C1QTNF2: variants seen among roughly 807,000 people sequenced by gnomAD.
The protein encoded by C1QTNF2 is C1q and TNF related 2.
Under a neutral mutation model 17.4 loss-of-function variants are expected in C1QTNF2, and 15 were observed. The ratio of observed to expected loss-of-function variants is 0.86; its 90% confidence interval spans 0.58 to 1.33. The LOEUF (loss-of-function observed/expected upper bound fraction) is 1.33, where lower values mean the gene tolerates loss of function less well. C1QTNF2 is among the 40% of genes most tolerant of loss of function. The pLI, the probability that C1QTNF2 is intolerant of heterozygous loss-of-function variation, is 0.00. For missense variants in C1QTNF2, 381 were observed against 392.3 expected, an observed-to-expected ratio of 0.97 and a Z score of 0.24; for synonymous variants, 154 against 163.3, an observed-to-expected ratio of 0.94 and a Z score of 0.44.
At chr5:160,361,229 A>G (rs1232293454) in intron 1 of C1QTNF2, among the ~76,000 whole-genome samples, 1 of 152,194 alleles carries the variant, frequency 6.6e-6, no homozygotes, top group African/African-American at 2.4e-5. Context: ...GGCTGGGTCT[A>G]CTGTCAGGGA....
At chr5:160,355,163 G>A in intron 1 of C1QTNF2, 143 bp from the exon 2 acceptor site, 1 of 1,403,736 alleles carries the variant, frequency 7.1e-7, no homozygotes, top group Non-Finnish European at 9.3e-7. Flanking sequence ...TCACATACAA[G>A]TAGATGTGAT....
chr5:160,355,002 AG>A lies in C1QTNF2; in HGVS notation c.9del (p.Trp4GlyfsTer53). 6.4e-7 allele frequency: 1 copy of A among 1,573,860 alleles called. No individual in the cohort carries two copies. The highest frequency in any genetic ancestry group is 1.3e-5 in the African/African-American group (1 of 74,370). MI[P>X]WVLLACALPC... ...GGGAGGGCACAGGCCAGGAGCACCC[AG>A]GGGATCATGGTGGTTACCTGTGGGA... is the stretch of plus-strand genomic sequence containing the variant. On this transcript the variant is annotated frameshift_variant, in exon 2 of 3. Coordinates refer to ENST00000652664, the MANE Select transcript of C1QTNF2 (RefSeq NM_031908.6). LOFTEE classifies it high-confidence loss of function.
chr5:160,365,561 TC>T (rs1475196046), intron 1 of C1QTNF2, among the ~76,000 whole-genome samples: 1 of 150,372 alleles, frequency 6.7e-6, no homozygotes, highest in African/African-American at 2.5e-5. Flanking sequence ...AAGTGAGACC[TC>T]CCCCCACCTC....
At chr5:160,362,239 T>C (rs1310049995) in intron 1 of C1QTNF2, among the ~76,000 whole-genome samples, 1 of 152,204 alleles carries the variant, frequency 6.6e-6, no homozygotes, top group Non-Finnish European at 1.5e-5. Context: ...ATGGATTTGA[T>C]CTAGGTTTCA....
Position 160,367,035 on chromosome 5 carries a change from A to AG in C1QTNF2, c.-10+3476_-10+3477insC, listed in dbSNP as rs1554128000. ...CAAGACATTGTCAAAAAAAAAAAAA[A>AG]AAAAGAAAAAGAATAAACAACGTGC... On this transcript the variant is annotated intron_variant, in intron 1 of 2. Transcript: ENST00000652664. Among the ~76,000 whole-genome samples the AG allele has an allele frequency of 1.3e-4, 19 of 151,872 alleles. No homozygotes were observed. In the South Asian group the frequency reaches 3.1e-3, roughly 25 times the overall value.
intron 1 of C1QTNF2, among the ~76,000 whole-genome samples, chr5:160,363,869 G>A (rs1317574873): frequency 1.3e-5 from 2 of 152,236 alleles, no homozygotes; most frequent in African/African-American, 2.4e-5. Context: ...CGAGATGTGA[G>A]GGGTAGAGAA....
At chr5:160,354,593 A>ATATATATATATAT (rs1763992409) in intron 2 of C1QTNF2, among the ~76,000 whole-genome samples, 175 bp downstream of exon 2, 2 of 30,554 alleles carry the variant, frequency 6.5e-5, no homozygotes, top group East Asian at 5.2e-4. Flanking sequence ...GGAAAAAAAA[A>ATATATATATATAT]AAAAGTATAT....
chr5:160,364,321 G>A (rs1044516036), intron 1 of C1QTNF2, among the ~76,000 whole-genome samples: 2 of 152,094 alleles, frequency 1.3e-5, no homozygotes, highest in African/African-American at 4.8e-5. Flanking sequence ...ACCTTTACAC[G>A]TTACTTAATC....
chr5:160,365,013 G>A (rs1363704123), intron 1 of C1QTNF2, among the ~76,000 whole-genome samples: 3 of 152,194 alleles, frequency 2.0e-5, no homozygotes, highest in African/African-American at 7.2e-5. Flanking sequence ...AAAAGATGTA[G>A]TTGCTGCTCC....
intron 1 of C1QTNF2, 197 bp from the exon 2 acceptor site, chr5:160,355,217 G>A: frequency 1.0e-6 from 1 of 984,858 alleles, no homozygotes; most frequent in Non-Finnish European, 1.2e-6. Flanking sequence ...TGGGTGAGTG[G>A]AGTCATTACC....
chr5:160,354,061 T>A (rs1054058981), intron 2 of C1QTNF2, among the ~76,000 whole-genome samples: 4 of 152,042 alleles, frequency 2.6e-5, no homozygotes, highest in Non-Finnish European at 5.9e-5. Flanking sequence ...CACCTCGGCC[T>A]CCCAAGTGCT....
intron 2 of C1QTNF2, among the ~76,000 whole-genome samples, chr5:160,351,423 A>T (rs772024802): frequency 6.6e-6 from 1 of 152,228 alleles, no homozygotes; most frequent in Non-Finnish European, 1.5e-5. Flanking sequence ...TTTGTTTCTT[A>T]TACATTTGTA....
chr5:160,368,688 C>T (rs1764291853), intron 1 of C1QTNF2, among the ~76,000 whole-genome samples: 1 of 152,102 alleles, frequency 6.6e-6, no homozygotes, highest in African/African-American at 2.4e-5. Context: ...TGGAGAGAGA[C>T]TCTGTTACCC....
Position 160,349,738 on chromosome 5 carries a change from C to T in C1QTNF2, c.288G>A (p.Lys96=), listed in dbSNP as rs762076277. 9.0e-6 allele frequency: 14 copies of T among 1,548,582 alleles called. No homozygotes were observed. The East Asian group carries it at 2.7e-4, about 30-fold the overall frequency. Residue 96 remains lysine, a synonymous_variant, in exon 3 of 3, where the codon AAG becomes AAA. Transcript: ENST00000652664. The surrounding 1 kb of genome is among the most constrained non-coding windows in gnomAD (Gnocchi z 4.3). ...CCCGCCCAATGGCCCCGGCTTTGCC[C>T]TTTGGTCCTGGCTTTCCCCGGTTAC... ...RTGNRGKPGP[K]GKAGAIGRAG...
chr5:160,365,044 C>T (rs564591373), intron 1 of C1QTNF2, among the ~76,000 whole-genome samples: 1 of 152,302 alleles, frequency 6.6e-6, no homozygotes, highest in South Asian at 2.1e-4. Flanking sequence ...ACTCTGATCC[C>T]TAGAACTACC....
At chr5:160,351,621 T>C (rs1763924014) in intron 2 of C1QTNF2, among the ~76,000 whole-genome samples, 1 of 152,172 alleles carries the variant, frequency 6.6e-6, no homozygotes, top group Non-Finnish European at 1.5e-5. Context: ...TATGTAAATA[T>C]ATAGAAAAAG....
At chr5:160,353,142 T>C (rs79175974) in intron 2 of C1QTNF2, among the ~76,000 whole-genome samples, 2,942 of 152,262 alleles carry the variant, frequency 0.019, 74 homozygotes, top group African/African-American at 0.067. Flanking sequence ...TATCCTCATC[T>C]GTAACATGGG....
chr5:160,364,120 T>C (rs1331709258), intron 1 of C1QTNF2, among the ~76,000 whole-genome samples: 1 of 152,244 alleles, frequency 6.6e-6, no homozygotes, highest in Non-Finnish European at 1.5e-5. Flanking sequence ...GTAATCACCA[T>C]AAAAATTATT....
chr5:160,349,913 A>T lies in C1QTNF2; in HGVS notation c.245-132T>A. On this transcript the variant is annotated intron_variant, in intron 2 of 2. Transcript: ENST00000652664. The surrounding 1 kb of genome is among the most constrained non-coding windows in gnomAD (Gnocchi z 4.3). Reference sequence around the variant, plus strand: ...GAAAGAACAAGAAGGCTTTGCAGACATATAGAAGTGGGTGTAAATCCTAAT... The same window carrying T: ...GAAAGAACAAGAAGGCTTTGCAGACTTATAGAAGTGGGTGTAAATCCTAAT... 1 of 1,047,550 alleles carries T rather than the reference A, an allele frequency of 9.5e-7. No individual in the cohort carries two copies. The highest frequency in any genetic ancestry group is 1.3e-6 in the Non-Finnish European group (1 of 758,178). The allele number at this position is 1,047,550 out of a possible 1,614,324, so 64.9% of individuals were successfully genotyped here. A position where few individuals can be genotyped will look rare whatever the true frequency, so the allele number is the denominator to read the frequency against.
Sources: gnomAD v4.1 joint callset for allele counts (sites outside exome capture counted in the v4.1 genomes callset) on GRCh38, gnomAD v4.1.1 for gene constraint, Gnocchi (gnomAD v3.1) non-coding constraint, MANE v1.5 for transcripts, NCBI Gene and HGNC (gene_info 2026-07-23, HGNC 2026-07-21) for gene names.